Variants in GUCY1A2 observed in about 807,000 individuals in gnomAD.
The protein encoded by GUCY1A2 is guanylate cyclase soluble subunit alpha-2.
In GUCY1A2, 27 loss-of-function variants were observed where a neutral mutation model predicts 63.5. The observed-to-expected ratio is 0.43, with a 90% CI of 0.31 to 0.59. GUCY1A2 has a LOEUF of 0.59. Among genes scored for constraint, GUCY1A2 ranks in the 20% least tolerant of loss-of-function variants. The pLI, the probability that GUCY1A2 is intolerant of heterozygous loss-of-function variation, is 0.11. For missense variants in GUCY1A2, 768 were observed against 913.3 expected (o/e 0.84, Z 2.05); for synonymous variants, 364 against 343.5 (o/e 1.06, Z -0.66).
intron 3 of GUCY1A2, among the ~76,000 whole-genome samples, chr11:106,966,967 A>G (rs1429894977): frequency 6.6e-6 from 1 of 152,238 alleles, no homozygotes; most frequent in African/African-American, 2.4e-5. Flanking sequence ...GGTTAATGAA[A>G]AACAGTCTGA....
At chr11:106,703,575 G>A (rs1271546291) in intron 7 of GUCY1A2, among the ~76,000 whole-genome samples, 1 of 152,094 alleles carries the variant, frequency 6.6e-6, no homozygotes, top group African/African-American at 2.4e-5. Context: ...CCTCAAAGCT[G>A]GAAAAGGCAA....
At chr11:107,006,422 T>G (rs1012939116) in intron 1 of GUCY1A2, among the ~76,000 whole-genome samples, 1 of 152,192 alleles carries the variant, frequency 6.6e-6, no homozygotes, top group Non-Finnish European at 1.5e-5. Flanking sequence ...CAGCATCTAT[T>G]GAGTTGCAGG....
At chr11:106,694,748 T>G (rs890359953) in intron 7 of GUCY1A2, among the ~76,000 whole-genome samples, 1 of 152,210 alleles carries the variant, frequency 6.6e-6, no homozygotes, top group Non-Finnish European at 1.5e-5. Flanking sequence ...CCTAGACTAT[T>G]ACAGTTCCCG....
At chr11:106,700,029 C>T (rs1201033653) in intron 7 of GUCY1A2, among the ~76,000 whole-genome samples, 2 of 151,944 alleles carry the variant, frequency 1.3e-5, no homozygotes, top group Non-Finnish European at 2.9e-5. Context: ...GTGATCCGCC[C>T]GCCTCGGCCT....
At chr11:106,951,146 G>A (rs1323036139) in intron 3 of GUCY1A2, among the ~76,000 whole-genome samples, 2 of 152,128 alleles carry the variant, frequency 1.3e-5, no homozygotes, top group African/African-American at 4.8e-5. Context: ...TATCATTGAT[G>A]GACATTTGGG....
intron 1 of GUCY1A2, among the ~76,000 whole-genome samples, chr11:107,008,263 A>G (rs1429898529): frequency 1.4e-5 from 2 of 140,962 alleles, no homozygotes; most frequent in Non-Finnish European, 3.0e-5. Flanking sequence ...TGGGCGACAG[A>G]GCAAGACTCC....
At chr11:106,948,151 G>C (rs1004428685) in intron 3 of GUCY1A2, among the ~76,000 whole-genome samples, 4 of 152,038 alleles carry the variant, frequency 2.6e-5, no homozygotes, top group African/African-American at 4.8e-5. Context: ...AAAAAAACTA[G>C]ATGACTGCAA....
chr11:106,825,036 T>C, intron 4 of GUCY1A2: 2 of 1,346,662 alleles, frequency 1.5e-6, no homozygotes, highest in Non-Finnish European at 2.1e-6. Context: ...GACAATAGTT[T>C]TTAAAAGAAT....
chr11:106,987,990 G>T (rs1021429281), intron 1 of GUCY1A2, among the ~76,000 whole-genome samples: 4 of 152,142 alleles, frequency 2.6e-5, no homozygotes, highest in Non-Finnish European at 5.9e-5. Flanking sequence ...TCAAAGGAGA[G>T]GTACAGAGCA....
chr11:106,903,886 T>C (rs971404256), intron 4 of GUCY1A2, among the ~76,000 whole-genome samples: 5 of 152,278 alleles, frequency 3.3e-5, no homozygotes, highest in Admixed American at 6.5e-5. Flanking sequence ...AAAGATAACA[T>C]AGCTGATGTG....
At chr11:106,864,848 G>T (rs1859568838) in intron 4 of GUCY1A2, among the ~76,000 whole-genome samples, 1 of 152,060 alleles carries the variant, frequency 6.6e-6, no homozygotes, top group Non-Finnish European at 1.5e-5. Flanking sequence ...TCACATCAAT[G>T]TTCATCAGGG....
At chr11:106,862,389 A>AT (rs1239123767) in intron 4 of GUCY1A2, among the ~76,000 whole-genome samples, 1 of 151,992 alleles carries the variant, frequency 6.6e-6, no homozygotes, top group African/African-American at 2.4e-5. Context: ...ATGGTAGCTG[A>AT]TATCATCATC....
chr11:106,836,970 T>C (rs756028482), intron 4 of GUCY1A2, among the ~76,000 whole-genome samples: 2 of 151,978 alleles, frequency 1.3e-5, no homozygotes, highest in Non-Finnish European at 2.9e-5. Context: ...TAGTAAATGA[T>C]GAAACAGACT....
intron 4 of GUCY1A2, among the ~76,000 whole-genome samples, chr11:106,883,513 G>GA (rs1859855775): frequency 6.6e-6 from 1 of 152,074 alleles, no homozygotes; most frequent in Non-Finnish European, 1.5e-5. Flanking sequence ...TATGTAATGT[G>GA]TAGGAAGAAG....
chr11:106,788,316 T>C (rs780897050), intron 5 of GUCY1A2, among the ~76,000 whole-genome samples: 3 of 152,098 alleles, frequency 2.0e-5, no homozygotes, highest in Non-Finnish European at 2.9e-5. Context: ...AGTTTGCAAA[T>C]ATTTTCTCCC....
At chr11:107,002,261 T>C (rs925757500) in intron 1 of GUCY1A2, among the ~76,000 whole-genome samples, 2 of 152,040 alleles carry the variant, frequency 1.3e-5, no homozygotes, top group Non-Finnish European at 2.9e-5. Context: ...AATAGAGTCC[T>C]ATTCACTTGG....
chr11:106,858,367 A>T (rs1375562720), intron 4 of GUCY1A2, among the ~76,000 whole-genome samples: 1 of 152,202 alleles, frequency 6.6e-6, no homozygotes, highest in Non-Finnish European at 1.5e-5. Flanking sequence ...TTGGCTGTAT[A>T]CCACATTAAA....
intron 4 of GUCY1A2, among the ~76,000 whole-genome samples, chr11:106,849,639 GCT>G (rs1859324051): frequency 6.6e-6 from 1 of 151,536 alleles, no homozygotes. Context: ...TATATCTACA[GCT>G]CTGTTTGTAT....
At chr11:106,868,988 C>G (rs926550954) in intron 4 of GUCY1A2, among the ~76,000 whole-genome samples, 55 of 152,200 alleles carry the variant, frequency 3.6e-4, no homozygotes, top group Middle Eastern at 3.4e-3. Flanking sequence ...ACAAACCTGA[C>G]AAAAACAAGA....
Sources: gnomAD v4.1 joint callset for allele counts (sites outside exome capture counted in the v4.1 genomes callset) on GRCh38, gnomAD v4.1.1 for gene constraint, MANE v1.5 for transcripts, NCBI Gene and HGNC (gene_info 2026-07-23, HGNC 2026-07-21) for gene names.